NEDD4: variants seen among roughly 807,000 people sequenced by gnomAD.
NEDD4 encodes E3 ubiquitin-protein ligase NEDD4.
A neutral mutation model predicts 144.9 loss-of-function variants in NEDD4; 99 were observed. The ratio of observed to expected loss-of-function variants is 0.68; its 90% confidence interval spans 0.58 to 0.81. The LOEUF (loss-of-function observed/expected upper bound fraction) is 0.81. Ranked by LOEUF, NEDD4 falls within the 30% of genes least tolerant of loss-of-function variation. NEDD4 has a pLI of 0.00. For missense variants in NEDD4, 985 were observed against 1,065.9 expected, an observed-to-expected ratio of 0.92 and a Z score of 1.06; for synonymous variants, 318 against 350.6, an observed-to-expected ratio of 0.91 and a Z score of 1.04.
At chr15:55,860,619 A>G in intron 10 of NEDD4, 42 bp downstream of exon 10, 2 of 1,613,746 alleles carry the variant, frequency 1.2e-6, no homozygotes, top group Non-Finnish European at 1.7e-6. Context: ...CTTTATTGCT[A>G]TAGCATGTGT....
At chr15:55,967,784 GCC>G (rs59256247) in intron 1 of NEDD4, among the ~76,000 whole-genome samples, 2,943 of 152,078 alleles carry the variant, frequency 0.019, 106 homozygotes, top group African/African-American at 0.068. Flanking sequence ...ACTTTGGGTG[GCC>G]AACGTGAGAG....
chr15:55,872,334 T>G (rs1463302940), intron 7 of NEDD4, 81 bp downstream of exon 7: 2 of 471,824 alleles, frequency 4.2e-6, no homozygotes, highest in Non-Finnish European at 7.3e-6. Context: ...GTTTAAACCC[T>G]GAATTTCTAA....
chr15:55,880,813 G>C (rs979516949), intron 5 of NEDD4, among the ~76,000 whole-genome samples: 1 of 152,094 alleles, frequency 6.6e-6, no homozygotes, highest in Admixed American at 6.5e-5. Context: ...CGACTAGTAG[G>C]GTTTGGTGAA....
intron 5 of NEDD4, among the ~76,000 whole-genome samples, chr15:55,912,971 C>G (rs538367828): frequency 6.6e-6 from 1 of 152,158 alleles, no homozygotes; most frequent in Admixed American, 6.5e-5. Flanking sequence ...GTCCCAGATA[C>G]AGGTAAAAGT....
At chr15:55,937,597 GA>G (rs1397779084) in intron 4 of NEDD4, among the ~76,000 whole-genome samples, 1 of 152,022 alleles carries the variant, frequency 6.6e-6, no homozygotes, top group Non-Finnish European at 1.5e-5. Flanking sequence ...GGAAGTTATA[GA>G]AAATAAAATA....
At chr15:55,937,185 T>C (rs557550990) in intron 4 of NEDD4, among the ~76,000 whole-genome samples, 9 of 152,336 alleles carry the variant, frequency 5.9e-5, no homozygotes, top group Non-Finnish European at 8.8e-5. Flanking sequence ...GAACTTCATG[T>C]TTTCTCAAAG....
intron 4 of NEDD4, among the ~76,000 whole-genome samples, chr15:55,932,272 T>G (rs1406142814): frequency 6.6e-6 from 1 of 152,112 alleles, no homozygotes; most frequent in Admixed American, 6.5e-5. Context: ...CAAACTATAC[T>G]ACAAGGATAC....
chr15:55,940,763 G>C (rs1163602861), intron 4 of NEDD4, among the ~76,000 whole-genome samples: 3 of 151,838 alleles, frequency 2.0e-5, no homozygotes, highest in Non-Finnish European at 2.9e-5. Flanking sequence ...AACTTTTAGG[G>C]GGCCCACCCT....
chr15:55,920,113 T>C (rs953938791), intron 5 of NEDD4, among the ~76,000 whole-genome samples: 1 of 152,174 alleles, frequency 6.6e-6, no homozygotes, highest in Non-Finnish European at 1.5e-5. Context: ...GTAGAATCCC[T>C]GCCTAAGTTC....
At chr15:55,900,482 G>C (rs1160187350) in intron 5 of NEDD4, among the ~76,000 whole-genome samples, 3 of 152,086 alleles carry the variant, frequency 2.0e-5, no homozygotes, top group African/African-American at 4.8e-5. Context: ...CAAAATTATG[G>C]TATCAGTATA....
In NEDD4 at chr15:55,827,814, G is replaced by A. The variant is rs1421720455; in HGVS notation, c.*2083C>T. On this transcript the variant is annotated 3_prime_UTR_variant, in exon 29 of 29. Transcript: ENST00000435532. The stretch of plus-strand genomic sequence containing the variant: ...CTTTTAAATGATTCTTTGGGAGTGT[G>A]GTCAATTTGCACACCTGACTTGACA... The A allele has an allele frequency of 1.2e-4, 18 of 152,060 alleles. No individual in the cohort carries two copies. The highest frequency in any genetic ancestry group is 2.9e-5 in the Non-Finnish European group (2 of 68,006). The allele number at this position is 152,060 out of a possible 1,614,324, so 9.4% of individuals were successfully genotyped here. A position where few individuals can be genotyped will look rare whatever the true frequency, so the allele number is the denominator to read the frequency against.
chr15:55,905,338 C>T (rs1566943504), intron 5 of NEDD4: 1 of 452,090 alleles, frequency 2.2e-6, no homozygotes, highest in Non-Finnish European at 4.4e-6. Context: ...ACAAATTGAC[C>T]TCAGAGAGAA....
intron 4 of NEDD4, among the ~76,000 whole-genome samples, chr15:55,946,947 C>A (rs1229804306): frequency 6.6e-6 from 1 of 152,194 alleles, no homozygotes; most frequent in African/African-American, 2.4e-5. Context: ...CAAAGATGTT[C>A]TTTGAAACCA....
At chr15:55,962,419 T>C (rs1341595166) in intron 2 of NEDD4, among the ~76,000 whole-genome samples, 1 of 152,200 alleles carries the variant, frequency 6.6e-6, no homozygotes, top group East Asian at 1.9e-4. Context: ...TTGTTTGTTT[T>C]CCATTGTCAC....
intron 2 of NEDD4, among the ~76,000 whole-genome samples, chr15:55,954,870 T>A (rs66700079): frequency 0.13 from 20,451 of 151,824 alleles, 1,501 homozygotes; most frequent in East Asian, 0.32. Context: ...TATTACTGAG[T>A]TGTAAGAGGT....
intron 5 of NEDD4, chr15:55,905,407 TA>T: frequency 2.5e-6 from 1 of 394,486 alleles, no homozygotes; most frequent in Admixed American, 3.5e-5. Flanking sequence ...AAGCCCAACA[TA>T]ATTACAGAAC....
In NEDD4 at chr15:55,948,718, T is replaced by G. The variant is rs1184171777; in HGVS notation, c.237+2658A>C. ...AGAAATGGGGAAAGGATTCCCTATT[T>G]AATAAATGGTGCTGGGAAAACTGGC... On this transcript the variant is annotated intron_variant, in intron 4 of 28. Transcript: ENST00000435532. 4.6e-5 allele frequency among the ~76,000 whole-genome samples: 7 copies of G among 152,238 alleles called. No homozygotes were observed. The East Asian group carries it at 1.4e-3, about 29-fold the overall frequency.
At chr15:55,846,059 T>A (rs2033728843) in intron 18 of NEDD4, among the ~76,000 whole-genome samples, 1 of 152,110 alleles carries the variant, frequency 6.6e-6, no homozygotes, top group African/African-American at 2.4e-5. Flanking sequence ...AGTGCTGGGA[T>A]TACAGGCATG....
chr15:55,917,190 T>C (rs1279350044), intron 5 of NEDD4: 7 of 1,003,002 alleles, frequency 7.0e-6, no homozygotes, highest in Non-Finnish European at 8.3e-6. Context: ...TTTGCATGAA[T>C]GAGTAACACA....
Sources: allele counts gnomAD v4.1 joint callset (sites outside exome capture counted in the v4.1 genomes callset), GRCh38; gene constraint gnomAD v4.1.1; transcripts MANE v1.5; gene names NCBI Gene and HGNC (gene_info 2026-07-23, HGNC 2026-07-21).